The following STPG2 variants were observed in gnomAD, a reference collection of about 807,000 sequenced individuals.
STPG2 encodes sperm-tail PG-rich repeat-containing protein 2.
A neutral mutation model predicts 54.2 loss-of-function variants in STPG2; 56 were observed. The ratio of observed to expected loss-of-function variants is 1.03; its 90% CI spans 0.83 to 1.29. STPG2 has a LOEUF of 1.29. Among genes scored for constraint, STPG2 ranks in the 50% most tolerant of loss-of-function variants. The pLI is 0.00. For synonymous variants in STPG2, 200 were observed against 181.8 expected, an observed-to-expected ratio of 1.10 and a Z score of -0.81; for missense variants, 596 against 544.9, an observed-to-expected ratio of 1.09 and a Z score of -0.93.
At chr4:97,629,695 A>C (rs756126020) in intron 10 of STPG2, among the ~76,000 whole-genome samples, 7 of 152,016 alleles carry the variant, frequency 4.6e-5, no homozygotes, top group Non-Finnish European at 1.0e-4. Flanking sequence ...CCTTGAAAAG[A>C]AGGAAAATAC....
intron 4 of STPG2, among the ~76,000 whole-genome samples, chr4:97,448,995 A>G (rs985788152): frequency 2.6e-5 from 4 of 152,084 alleles, no homozygotes; most frequent in African/African-American, 4.8e-5. Context: ...AAACTAACTT[A>G]CCAATGCCAT....
intron 8 of STPG2, among the ~76,000 whole-genome samples, chr4:97,894,237 C>T (rs1432991731): frequency 3.3e-5 from 5 of 151,808 alleles, no homozygotes; most frequent in African/African-American, 4.8e-5. Context: ...ACAGGTGACT[C>T]ATGAATAACT....
intron 10 of STPG2, among the ~76,000 whole-genome samples, chr4:97,624,589 T>C (rs755266784): frequency 6.6e-6 from 1 of 152,172 alleles, no homozygotes; most frequent in Non-Finnish European, 1.5e-5. Context: ...GTTCACTTCA[T>C]AGTTTCTTTT....
chr4:97,645,339 T>C (rs1721882171), intron 10 of STPG2, among the ~76,000 whole-genome samples: 1 of 150,162 alleles, frequency 6.7e-6, no homozygotes. Flanking sequence ...AGTACAGCAA[T>C]GTGATTAGTT....
chr4:97,623,023 A>G (rs1734051329), intron 10 of STPG2, among the ~76,000 whole-genome samples: 1 of 152,080 alleles, frequency 6.6e-6, no homozygotes, highest in African/African-American at 2.4e-5. Context: ...TAGAGAAAGG[A>G]CTCCGTATTC....
chr4:97,655,765 T>C (rs981087162), intron 10 of STPG2, among the ~76,000 whole-genome samples: 1 of 152,166 alleles, frequency 6.6e-6, no homozygotes. Flanking sequence ...TTTTCTTAAA[T>C]TTGGGAATTA....
In STPG2 at chr4:98,140,712, T is replaced by C. The variant is rs1465188354; in HGVS notation, c.109+2330A>G. ...AGGGACCAGTATTGCTGGAAAAAAT[T>C]ATGAGCTCAGACACTTAAAACTTCA... On this transcript the variant is annotated intron_variant, in intron 1 of 10. Coordinates refer to ENST00000295268, the MANE Select transcript of STPG2 (RefSeq NM_174952.3). Among the ~76,000 whole-genome samples, 8 of 152,102 alleles carry C rather than the reference T, an allele frequency of 5.3e-5. No homozygotes were observed. In the East Asian group the frequency reaches 1.5e-3, roughly 29 times the overall value.
chr4:98,120,854 T>C (rs186196010), intron 3 of STPG2, among the ~76,000 whole-genome samples: 2 of 152,240 alleles, frequency 1.3e-5, no homozygotes, highest in East Asian at 3.9e-4. Context: ...ATTCTGTAGG[T>C]TGTCTGTTTG....
intron 2 of STPG2, among the ~76,000 whole-genome samples, chr4:98,128,956 A>G (rs1739909830): frequency 6.6e-6 from 1 of 151,946 alleles, no homozygotes; most frequent in African/African-American, 2.4e-5. Flanking sequence ...CTGGTCTCGA[A>G]CTCCTGACCT....
intron 9 of STPG2, among the ~76,000 whole-genome samples, chr4:97,746,847 C>A (rs1725433080): frequency 6.6e-6 from 1 of 151,198 alleles, no homozygotes; most frequent in African/African-American, 2.4e-5. Flanking sequence ...TATCCCTCTG[C>A]ATCTTCTGAT....
chr4:97,756,970 C>T (rs1169415156), intron 9 of STPG2, among the ~76,000 whole-genome samples: 1 of 152,100 alleles, frequency 6.6e-6, no homozygotes, highest in Non-Finnish European at 1.5e-5. Context: ...ATAATCAAGG[C>T]AGCAAGCTAC....
chr4:97,556,890 A>C (rs576454262), downstream of STPG2, among the ~76,000 whole-genome samples: 1 of 152,294 alleles, frequency 6.6e-6, no homozygotes, highest in East Asian at 1.9e-4. Flanking sequence ...ATTTTCCTTA[A>C]AAAATAACCC....
chr4:98,134,570 T>G, intron 1 of STPG2, 111 bp from the exon 2 acceptor site: 1 of 424,928 alleles, frequency 2.4e-6, no homozygotes, highest in Non-Finnish European at 4.0e-6. Context: ...TAAGACTTTA[T>G]TTTCAGAACT....
intron 10 of STPG2, among the ~76,000 whole-genome samples, chr4:97,656,212 T>C (rs78137985): frequency 0.017 from 2,633 of 152,226 alleles, 66 homozygotes; most frequent in African/African-American, 0.059. Flanking sequence ...TGTTGCAGTA[T>C]TGCCACATCC....
intron 5 of STPG2, among the ~76,000 whole-genome samples, chr4:98,000,615 A>G (rs1473827537): frequency 2.6e-5 from 4 of 152,208 alleles, no homozygotes; most frequent in Non-Finnish European, 5.9e-5. Flanking sequence ...TTCTGTTCTC[A>G]GTAAACAAAC....
intron 7 of STPG2, among the ~76,000 whole-genome samples, chr4:97,957,593 G>C (rs1051901676): frequency 6.6e-6 from 1 of 151,870 alleles, no homozygotes; most frequent in African/African-American, 2.4e-5. Flanking sequence ...CATCACAAAA[G>C]ATCACTGCCT....
rs1275459982 is a variant in STPG2 at position 97,736,501 on chromosome 4, C to CA, written c.1205-23688dup. 3.3e-5 allele frequency among the ~76,000 whole-genome samples: 5 copies of CA among 152,148 alleles called. No homozygotes were observed. The South Asian group carries it at 6.2e-4, about 19-fold the overall frequency. On this transcript the variant is annotated intron_variant, in intron 9 of 10. Coordinates refer to ENST00000295268, the MANE Select transcript of STPG2 (RefSeq NM_174952.3). ...GGCACCTGGAAAATTGGGTCACTCC[C>CA]ACCCCATTACTGCGCTTTTCCAACG...
chr4:97,756,927 C>T (rs1056917673), intron 9 of STPG2, among the ~76,000 whole-genome samples: 1 of 152,082 alleles, frequency 6.6e-6, no homozygotes, highest in Non-Finnish European at 1.5e-5. Context: ...TTGGTAGATG[C>T]ACCCCTCTTT....
intron 9 of STPG2, among the ~76,000 whole-genome samples, chr4:97,737,899 C>T: frequency 6.6e-6 from 1 of 152,050 alleles, no homozygotes; most frequent in Non-Finnish European, 1.5e-5. Flanking sequence ...AACTCCAAGA[C>T]ACAAAATTGC....
Sources: allele counts gnomAD v4.1 joint callset (sites outside exome capture counted in the v4.1 genomes callset), GRCh38; gene constraint gnomAD v4.1.1; transcripts MANE v1.5; gene names NCBI Gene and HGNC (gene_info 2026-07-23, HGNC 2026-07-21).